The following NKAIN2 variants were observed in gnomAD, a reference collection of about 807,000 sequenced individuals.
NKAIN2 encodes the protein sodium/potassium-transporting ATPase subunit beta-1-interacting protein 2.
A neutral mutation model predicts 32.6 loss-of-function variants in NKAIN2; 14 were observed. The observed-to-expected ratio is 0.43, with a 90% CI of 0.28 to 0.67. The LOEUF (loss-of-function observed/expected upper bound fraction) is 0.67. Ranked by LOEUF, NKAIN2 falls within the 30% of genes least tolerant of loss-of-function variation. The pLI is 0.17. For synonymous variants in NKAIN2, 80 were observed against 87.2 expected (o/e 0.92, Z 0.46); for missense variants, 198 against 258.3 (o/e 0.77, Z 1.60).
At chr6:124,419,825 A>G (rs996100124) in intron 3 of NKAIN2, among the ~76,000 whole-genome samples, 1 of 152,050 alleles carries the variant, frequency 6.6e-6, no homozygotes, top group Non-Finnish European at 1.5e-5. Flanking sequence ...AAAAAAAGTG[A>G]CCTTAATTGT....
chr6:123,932,107 T>C (rs921222863), intron 1 of NKAIN2, among the ~76,000 whole-genome samples: 6 of 152,348 alleles, frequency 3.9e-5, no homozygotes, highest in Admixed American at 3.3e-4. Context: ...CATAGCTCTC[T>C]GCATAAGTTT....
At chr6:124,265,889 T>C (rs1367578187) in intron 1 of NKAIN2, among the ~76,000 whole-genome samples, 2 of 152,198 alleles carry the variant, frequency 1.3e-5, no homozygotes, top group African/African-American at 4.8e-5. Flanking sequence ...GAGACTGACA[T>C]TGTTTCCTTC....
intron 3 of NKAIN2, among the ~76,000 whole-genome samples, chr6:124,540,357 A>C (rs1779866944): frequency 6.6e-6 from 1 of 152,238 alleles, no homozygotes. Context: ...GCTGATTTGT[A>C]ATTTGCTTTA....
intron 3 of NKAIN2, among the ~76,000 whole-genome samples, chr6:124,610,697 G>T (rs1310730157): frequency 6.6e-6 from 1 of 152,032 alleles, no homozygotes; most frequent in Non-Finnish European, 1.5e-5. Context: ...TGCCCCATCT[G>T]GATTCATGTT....
At chr6:123,857,113 G>A (rs746429277) in intron 1 of NKAIN2, among the ~76,000 whole-genome samples, 26 of 152,094 alleles carry the variant, frequency 1.7e-4, no homozygotes, top group Non-Finnish European at 2.8e-4. Flanking sequence ...GTCTGGGAAA[G>A]CTATGAAACC....
intron 1 of NKAIN2, among the ~76,000 whole-genome samples, chr6:124,063,973 C>T (rs1239647865): frequency 4.0e-5 from 6 of 148,572 alleles, no homozygotes; most frequent in East Asian, 2.0e-4. Flanking sequence ...TTTTTTGAGA[C>T]GGAGTCTCAC....
intron 1 of NKAIN2, among the ~76,000 whole-genome samples, chr6:123,944,379 C>T (rs1776971807): frequency 6.6e-6 from 1 of 152,044 alleles, no homozygotes; most frequent in African/African-American, 2.4e-5. Flanking sequence ...TCAAAGGAAA[C>T]CCTAACCCAG....
intron 3 of NKAIN2, among the ~76,000 whole-genome samples, chr6:124,506,078 T>G (rs1204800743): frequency 6.6e-6 from 1 of 151,578 alleles, no homozygotes; most frequent in African/African-American, 2.4e-5. Flanking sequence ...CTACTCGGGA[T>G]GCTGAGGCAG....
chr6:124,111,877 C>G (rs1053576297), intron 1 of NKAIN2, among the ~76,000 whole-genome samples: 1 of 151,620 alleles, frequency 6.6e-6, no homozygotes, highest in Non-Finnish European at 1.5e-5. Flanking sequence ...TACCTTGCTA[C>G]TTACATAAAA....
At chr6:124,435,963 A>T (rs1233385969) in intron 3 of NKAIN2, among the ~76,000 whole-genome samples, 2 of 152,300 alleles carry the variant, frequency 1.3e-5, no homozygotes, top group Admixed American at 6.5e-5. Context: ...TTAAATTCAG[A>T]ATCCCCAATG....
At chr6:124,801,081 G>A (rs575611891) in intron 5 of NKAIN2, among the ~76,000 whole-genome samples, 10 of 152,122 alleles carry the variant, frequency 6.6e-5, no homozygotes, top group African/African-American at 2.4e-4. Flanking sequence ...CTCCAAACCC[G>A]TCACCCCGAC....
At chr6:124,454,456 C>G (rs1185707399) in intron 3 of NKAIN2, among the ~76,000 whole-genome samples, 1 of 151,892 alleles carries the variant, frequency 6.6e-6, no homozygotes, top group Non-Finnish European at 1.5e-5. Flanking sequence ...ATGCAAGAGT[C>G]TTAATTTTAT....
chr6:124,822,172 C>T (rs1781420689), intron 6 of NKAIN2, among the ~76,000 whole-genome samples: 1 of 152,142 alleles, frequency 6.6e-6, no homozygotes, highest in Admixed American at 6.5e-5. Flanking sequence ...TCATAGCCCA[C>T]AAGACCAATC....
intron 3 of NKAIN2, among the ~76,000 whole-genome samples, chr6:124,532,774 T>G (rs1167360076): frequency 6.6e-6 from 1 of 152,238 alleles, no homozygotes; most frequent in Non-Finnish European, 1.5e-5. Flanking sequence ...GAGCTACAGC[T>G]GCTGGGAATG....
intron 1 of NKAIN2, among the ~76,000 whole-genome samples, chr6:123,914,850 TCTGA>T (rs1035543505): frequency 8.5e-5 from 13 of 152,178 alleles, no homozygotes; most frequent in Non-Finnish European, 5.9e-5. Flanking sequence ...GTGGAATTGC[TCTGA>T]CTTAGAAAGA....
At chr6:124,520,888 G>C (rs906679007) in intron 3 of NKAIN2, among the ~76,000 whole-genome samples, 2 of 151,964 alleles carry the variant, frequency 1.3e-5, no homozygotes, top group African/African-American at 4.8e-5. Context: ...AAGATAAAAG[G>C]GTTTTTTAAA....
At chr6:124,197,609 A>G (rs1790376823) in intron 1 of NKAIN2, among the ~76,000 whole-genome samples, 1 of 152,082 alleles carries the variant, frequency 6.6e-6, no homozygotes, top group South Asian at 2.1e-4. Flanking sequence ...TTACATTACC[A>G]TTTTGTACAG....
At chr6:124,652,388 T>C (rs1369111828) in intron 3 of NKAIN2, among the ~76,000 whole-genome samples, 1 of 152,234 alleles carries the variant, frequency 6.6e-6, no homozygotes, top group Non-Finnish European at 1.5e-5. Context: ...ACCAGAATCG[T>C]CTGTAATCCT....
chr6:124,344,022 A>C (rs2115095123), intron 2 of NKAIN2, among the ~76,000 whole-genome samples: 1 of 152,234 alleles, frequency 6.6e-6, no homozygotes, highest in East Asian at 1.9e-4. Flanking sequence ...GGTATAAGGA[A>C]GGCATCCAGT....
Sources: gnomAD v4.1 joint callset for allele counts (sites outside exome capture counted in the v4.1 genomes callset) on GRCh38, gnomAD v4.1.1 for gene constraint, MANE v1.5 for transcripts, NCBI Gene and HGNC (gene_info 2026-07-23, HGNC 2026-07-21) for gene names.